PRICKLE1: variants seen among roughly 807,000 people sequenced by gnomAD.
PRICKLE1 encodes the protein prickle planar cell polarity protein 1.
PRICKLE1 carries 14 observed loss-of-function variants against 70.2 expected under a neutral mutation model. The observed-to-expected ratio is 0.20, with a 90% CI of 0.13 to 0.31. The LOEUF (loss-of-function observed/expected upper bound fraction) is 0.31, where lower values mean the gene tolerates loss of function less well. PRICKLE1 is among the 10% of genes least tolerant of loss of function. PRICKLE1 has a pLI of 1.00. For missense variants in PRICKLE1, 821 were observed against 1,026.2 expected (o/e 0.80, Z 2.73); for synonymous variants, 357 against 379.9 (o/e 0.94, Z 0.70).
Position 42,460,002 on chromosome 12 carries a change from G to C in PRICKLE1, c.2303C>G (p.Ser768Cys). The change falls in exon 8 of 8, where the codon TCC (serine) becomes TGC (cysteine). Residue 768 changes from serine (S) to cysteine (C), a missense_variant. Ser to Cys is a moderately radical substitution (Grantham distance 112). Transcript: ENST00000345127. ...TCCTTCTTCTTCCGAGTCGGAAGAG[G>C]AGGAGGAGGAAGAACACCAGGAATC... ...DDDSWCSSSS[S>C]SSDSEEEGYF... is the part of the protein sequence containing the mutation. The C allele has an allele frequency of 1.2e-6, 2 of 1,614,102 alleles. No homozygotes were observed. The highest frequency in any genetic ancestry group is 1.7e-6 in the Non-Finnish European group (2 of 1,180,012).
intron 1 of PRICKLE1, among the ~76,000 whole-genome samples, chr12:42,518,799 A>G (rs1270688816): frequency 2.0e-5 from 3 of 152,240 alleles, no homozygotes; most frequent in Non-Finnish European, 4.4e-5. Context: ...AATACAGCTT[A>G]TATTTCTCAA....
intron 1 of PRICKLE1, among the ~76,000 whole-genome samples, chr12:42,499,427 ATTTT>A (rs550884637): frequency 6.9e-6 from 1 of 144,556 alleles, no homozygotes. Flanking sequence ...TAAATCTAGA[ATTTT>A]TTTTTTTTTT....
intron 1 of PRICKLE1, among the ~76,000 whole-genome samples, chr12:42,542,568 T>C (rs551696123): frequency 6.6e-6 from 1 of 152,206 alleles, no homozygotes; most frequent in East Asian, 1.9e-4. Flanking sequence ...GAAGAATCGT[T>C]TGAACCCAGG....
intron 1 of PRICKLE1, among the ~76,000 whole-genome samples, chr12:42,482,151 A>T (rs533166203): frequency 6.6e-6 from 1 of 152,324 alleles, no homozygotes; most frequent in Non-Finnish European, 1.5e-5. Flanking sequence ...ATCACACATC[A>T]CCCAATGGTC....
chr12:42,586,796 G>A (rs1375432332), intron 1 of PRICKLE1, among the ~76,000 whole-genome samples: 1 of 152,134 alleles, frequency 6.6e-6, no homozygotes, highest in Non-Finnish European at 1.5e-5. Context: ...AGAGATTTTA[G>A]AGAAATTATG....
chr12:42,460,808 G>A (rs1383990410), intron 7 of PRICKLE1, 143 bp from the exon 8 acceptor site: 1 of 891,504 alleles, frequency 1.1e-6, no homozygotes, highest in Non-Finnish European at 1.8e-6. Flanking sequence ...AAGCCAACAT[G>A]TATCTATGCC....
chr12:42,535,460 T>C (rs1221121515), intron 1 of PRICKLE1, among the ~76,000 whole-genome samples: 1 of 151,834 alleles, frequency 6.6e-6, no homozygotes, highest in Admixed American at 6.6e-5. Context: ...AGGAAACTGA[T>C]ATGAGGGTCA....
chr12:42,462,644 G>A (rs556091798), intron 7 of PRICKLE1, among the ~76,000 whole-genome samples: 2 of 152,064 alleles, frequency 1.3e-5, no homozygotes, highest in African/African-American at 2.4e-5. Context: ...CACAGAAGCC[G>A]GGGGGGTAGC....
intron 1 of PRICKLE1, among the ~76,000 whole-genome samples, chr12:42,499,120 T>TA (rs1939259955): frequency 2.0e-5 from 3 of 152,180 alleles, no homozygotes; most frequent in Admixed American, 2.0e-4. Context: ...TGCTATAACT[T>TA]ATGGAGTACT....
rs753221219 is a variant in PRICKLE1, at chr12:42,470,309, G to A, written c.183C>T (p.Asn61=). The A allele has an allele frequency of 6.2e-7, 1 of 1,614,090 alleles. No homozygotes were observed. Among genetic ancestry groups the A allele is most frequent in the Non-Finnish European group, 8.5e-7 (1 of 1,179,980 alleles). Residue 61 remains asparagine (N), a synonymous_variant, in exon 3 of 8, where the codon AAC becomes AAT. Transcript: ENST00000345127. Reference sequence around the variant, plus strand: ...TAATCCGATGCTTCTCTCCGGGGCTGTTAACGTAAGGAACTTTTTCCTCTG... The same window carrying A: ...TAATCCGATGCTTCTCTCCGGGGCTATTAACGTAAGGAACTTTTTCCTCTG... ...CLPEEKVPYV[N]SPGEKHRIKQ... is the part of the protein sequence containing the mutation.
At chr12:42,517,106 A>T (rs1034400002) in intron 1 of PRICKLE1, among the ~76,000 whole-genome samples, 2 of 152,276 alleles carry the variant, frequency 1.3e-5, no homozygotes, top group Non-Finnish European at 2.9e-5. Context: ...CTCAATCTGT[A>T]CTTCCAGATT....
At chr12:42,586,879 T>C (rs1940994515) in intron 1 of PRICKLE1, among the ~76,000 whole-genome samples, 1 of 152,240 alleles carries the variant, frequency 6.6e-6, no homozygotes, top group African/African-American at 2.4e-5. Flanking sequence ...AAATTTAACT[T>C]TTTTGGTCTT....
chr12:42,588,660 C>A (rs879776303), intron 1 of PRICKLE1, among the ~76,000 whole-genome samples: 2 of 152,044 alleles, frequency 1.3e-5, no homozygotes, highest in Non-Finnish European at 2.9e-5. Flanking sequence ...TGGAACTAAG[C>A]GTGATGCAGC....
intron 3 of PRICKLE1, 86 bp downstream of exon 3, chr12:42,470,160 G>C: frequency 2.1e-6 from 2 of 974,582 alleles, no homozygotes; most frequent in Non-Finnish European, 1.7e-6. Flanking sequence ...TCGCCAGTGA[G>C]GAGTTGGGGT....
At chr12:42,462,437 G>C (rs1203882084) in intron 7 of PRICKLE1, among the ~76,000 whole-genome samples, 1 of 152,028 alleles carries the variant, frequency 6.6e-6, no homozygotes, top group Non-Finnish European at 1.5e-5. Flanking sequence ...CTGACTTCAG[G>C]TGATCCACCT....
chr12:42,511,526 T>A lies in PRICKLE1; in HGVS notation c.-48-38962A>T, dbSNP rs542028407. Among the ~76,000 whole-genome samples, 4 of 152,326 alleles carry A rather than the reference T, an allele frequency of 2.6e-5. No homozygotes were observed. The East Asian group carries it at 7.7e-4, about 29-fold the overall frequency. ...TCTGAGGGTCTGGCCTTGTGGTGGGTGCTCTGATCCATTGGCCTTGTTTGT... is the reference window on the plus strand; with the variant it reads ...TCTGAGGGTCTGGCCTTGTGGTGGGAGCTCTGATCCATTGGCCTTGTTTGT... On this transcript the variant is annotated intron_variant, in intron 1 of 7. Coordinates refer to ENST00000345127, the MANE Select transcript of PRICKLE1 (RefSeq NM_153026.3).
chr12:42,533,719 G>T (rs1418770413), intron 1 of PRICKLE1, among the ~76,000 whole-genome samples: 2 of 151,916 alleles, frequency 1.3e-5, no homozygotes, highest in East Asian at 3.9e-4. Flanking sequence ...ACATAAATTG[G>T]CAAAGATGCT....
At position 42,459,301 on chromosome 12, in the gene PRICKLE1, T is replaced by G. The variant is rs1378531808; in HGVS notation, c.*508A>C. 1 of 702,508 alleles carries G rather than the reference T, an allele frequency of 1.4e-6. No homozygotes were observed. Among genetic ancestry groups the G allele is most frequent in the Middle Eastern group, 2.3e-4 (1 of 4,370 alleles). The allele number at this position is 702,508 out of a possible 1,614,324, so 43.5% of individuals were successfully genotyped here. A position where few individuals can be genotyped will look rare whatever the true frequency, so the allele number is the denominator to read the frequency against. ...AGCTGGCGCTGATACAATACAATGT[T>G]TACCTGGCCAAAGAGGGTTCGAGGG... On this transcript the variant is annotated 3_prime_UTR_variant, in exon 8 of 8. Coordinates refer to ENST00000345127, the MANE Select transcript of PRICKLE1 (RefSeq NM_153026.3).
chr12:42,570,977 G>A (rs1940702227), intron 1 of PRICKLE1, among the ~76,000 whole-genome samples: 1 of 151,976 alleles, frequency 6.6e-6, no homozygotes, highest in Non-Finnish European at 1.5e-5. Flanking sequence ...ATTTTTACAA[G>A]CATTTACATA....
Sources: gnomAD v4.1 joint callset for allele counts (sites outside exome capture counted in the v4.1 genomes callset) on GRCh38, gnomAD v4.1.1 for gene constraint, MANE v1.5 for transcripts, NCBI Gene and HGNC (gene_info 2026-07-23, HGNC 2026-07-21) for gene names.